The following LRRC9 variants were observed in gnomAD, a reference collection of about 807,000 sequenced individuals.
LRRC9 encodes leucine-rich repeat-containing protein 9.
A neutral mutation model predicts 63.2 loss-of-function variants in LRRC9; 122 were observed. The ratio of observed to expected loss-of-function variants is 1.93; its 90% CI spans 1.67 to 2.24. The LOEUF (loss-of-function observed/expected upper bound fraction) is 2.24, where lower values mean the gene tolerates loss of function less well. Ranked by LOEUF, LRRC9 falls within the 30% of genes most tolerant of loss-of-function variation. LRRC9 has a pLI of 0.00. For missense variants in LRRC9, 1,071 were observed against 627.7 expected (o/e 1.71, Z -7.55); for synonymous variants, 366 against 213.1 (o/e 1.72, Z -6.25).
chr14:59,944,921 C>A (rs185551781), intron 8 of LRRC9, among the ~76,000 whole-genome samples, 177 bp downstream of exon 8: 1 of 151,386 alleles, frequency 6.6e-6, no homozygotes, highest in Non-Finnish European at 1.5e-5. Context: ...GTTAAGCTTG[C>A]CCCCAAAAAA....
chr14:59,973,288 T>C (rs1885734359), intron 12 of LRRC9, among the ~76,000 whole-genome samples: 1 of 152,086 alleles, frequency 6.6e-6, no homozygotes. Flanking sequence ...TTATCATATA[T>C]AGTTTCTATA....
At chr14:60,056,889 G>C (rs186818134) in intron 30 of LRRC9, among the ~76,000 whole-genome samples, 14 of 152,214 alleles carry the variant, frequency 9.2e-5, no homozygotes, top group Admixed American at 2.0e-4. Flanking sequence ...CAGCAAATAA[G>C]GAGGAAATAA....
intron 8 of LRRC9, among the ~76,000 whole-genome samples, chr14:59,959,412 T>A (rs1031646563): frequency 6.6e-6 from 1 of 152,174 alleles, no homozygotes; most frequent in East Asian, 1.9e-4. Flanking sequence ...TACTGAAAAA[T>A]TGAAAAGTAT....
chr14:60,022,134 T>C (rs1891163681), intron 26 of LRRC9, among the ~76,000 whole-genome samples: 1 of 151,820 alleles, frequency 6.6e-6, no homozygotes, highest in African/African-American at 2.4e-5. Context: ...ACATAGAATA[T>C]TTCTCTATTT....
In LRRC9 at chr14:59,988,239, G is replaced by T. The variant is rs1227320122; in HGVS notation, c.2211+3015G>T. Among the ~76,000 whole-genome samples, 3 of 152,254 alleles carry T rather than the reference G, an allele frequency of 2.0e-5. No individual in the cohort carries two copies. The East Asian group carries it at 5.8e-4, about 29-fold the overall frequency. ...CCTTAGTTTCTTTTAGAGAGAAGTGGTCCTTCAGAAACACAATCCAGTTGG... is the reference window on the plus strand; with the variant it reads ...CCTTAGTTTCTTTTAGAGAGAAGTGTTCCTTCAGAAACACAATCCAGTTGG... On this transcript the variant is annotated intron_variant, in intron 17 of 31. Coordinates refer to ENST00000445360, the Ensembl canonical transcript of LRRC9.
chr14:60,057,837 T>C (rs1384941025), intron 30 of LRRC9, 41 bp from the exon 31 acceptor site: 1 of 600,136 alleles, frequency 1.7e-6, no homozygotes, highest in Non-Finnish European at 3.2e-6. Flanking sequence ...ATCTGAGTTT[T>C]GGAGATGAGA....
rs1888025015 is a variant in LRRC9 at position 59,990,950 on chromosome 14, G to A, written c.2211+5726G>A. The stretch of plus-strand genomic sequence containing the variant: ...TTTATCTCTACCAACTTCTTTTGGA[G>A]CCTATAGAGCAACCTTGTCATGTAG... On this transcript the variant is annotated intron_variant, in intron 17 of 31. Coordinates refer to ENST00000445360, the Ensembl canonical transcript of LRRC9. This position sits in a 1 kb window ranked among gnomAD's most constrained non-coding sequence, Gnocchi z 4.2. Among the ~76,000 whole-genome samples the A allele has an allele frequency of 6.6e-6, 1 of 152,174 alleles. No individual in the cohort carries two copies. Among genetic ancestry groups the A allele is most frequent in the Non-Finnish European group, 1.5e-5 (1 of 68,034 alleles).
chr14:59,971,991 A>G (rs932152994), intron 12 of LRRC9, among the ~76,000 whole-genome samples: 6 of 152,140 alleles, frequency 3.9e-5, no homozygotes, highest in African/African-American at 1.4e-4. Flanking sequence ...TTCGCATTAC[A>G]TGTAATGATG....
At chr14:59,992,821 T>C (rs1036497811) in intron 17 of LRRC9, among the ~76,000 whole-genome samples, 3 of 152,100 alleles carry the variant, frequency 2.0e-5, no homozygotes, top group Non-Finnish European at 4.4e-5. Flanking sequence ...AAAGACCAAA[T>C]TACGTCTGAT....
intron 29 of LRRC9, among the ~76,000 whole-genome samples, chr14:60,047,853 C>T (rs1041411179): frequency 6.6e-6 from 1 of 152,080 alleles, no homozygotes; most frequent in African/African-American, 2.4e-5. Context: ...ATTCTCATTG[C>T]CTCATGGCAC....
chr14:60,019,063 T>C lies in LRRC9; in HGVS notation c.3427-58T>C, dbSNP rs570150432. 20 of 613,650 alleles carry C rather than the reference T, an allele frequency of 3.3e-5. No homozygotes were observed. The South Asian group carries it at 3.8e-4, about 12-fold the overall frequency. The allele number at this position is 613,650 out of a possible 1,614,324, so 38.0% of individuals were successfully genotyped here. A position where few individuals can be genotyped will look rare whatever the true frequency, so the allele number is the denominator to read the frequency against. On this transcript the variant is annotated intron_variant, in intron 25 of 31. Coordinates refer to ENST00000445360, the Ensembl canonical transcript of LRRC9. ...ATTATGTGGTATATTCCAAGTTTTA[T>C]CCATACAATTTTTAATAATTTCTAG... is the stretch of plus-strand genomic sequence containing the variant.
intron 18 of LRRC9, 131 bp from the exon 19 acceptor site, chr14:59,998,969 CT>C (rs1242946227): frequency 1.3e-5 from 6 of 448,642 alleles, no homozygotes; most frequent in East Asian, 1.3e-4. Context: ...AATAATTAAG[CT>C]TTTTTTAGGT....
chr14:59,922,284 TAGA>T lies in LRRC9; in HGVS notation c.-34+2404_-34+2406del, dbSNP rs1360381560. 1.3e-5 allele frequency among the ~76,000 whole-genome samples: 2 copies of T among 152,180 alleles called. No homozygotes were observed. The highest frequency in any genetic ancestry group is 2.9e-5 in the Non-Finnish European group (2 of 68,026). On this transcript the variant is annotated intron_variant, in intron 1 of 31. Transcript: ENST00000445360. The surrounding 1 kb of genome is among the most constrained non-coding windows in gnomAD (Gnocchi z 5.3). The stretch of plus-strand genomic sequence containing the variant: ...AAACATGTCCGCTGTCTTTGGCCAT[TAGA>T]AGGTTATTTTTGACCTTGTAGTGGC...
rs573793163 is a variant in LRRC9, at chr14:59,975,165, G to GTA, written c.1639+468_1639+469dup. On this transcript the variant is annotated intron_variant, in intron 13 of 31. Coordinates refer to ENST00000445360, the Ensembl canonical transcript of LRRC9. ...CATATATATATGTATATATATATAT[G>GTA]TATATATATATACACTACACACACG... 6.1e-3 allele frequency among the ~76,000 whole-genome samples: 89 copies of GTA among 14,640 alleles called. 15 individuals carry two copies. Among genetic ancestry groups the GTA allele is most frequent in the African/African-American group, 9.8e-3 (83 of 8,500 alleles). 9.6% of individuals were successfully genotyped at this position (14,640 alleles called of 152,430 possible).
rs1470139739 is a variant in LRRC9 at position 59,981,845 on chromosome 14, T to C, written c.1879-3T>C. 4 of 681,690 alleles carry C rather than the reference T, an allele frequency of 5.9e-6. No homozygotes were observed. Among genetic ancestry groups the C allele is most frequent in the Non-Finnish European group, 1.1e-5 (4 of 379,276 alleles). The allele number at this position is 681,690 out of a possible 1,614,324, so 42.2% of individuals were successfully genotyped here. ...TTTGCAATGTTTTTAATACATTTTT[T>C]AGGTCAAGGCACCCTCTTTATTTTC... On this transcript the variant is annotated splice_region_variant and splice_polypyrimidine_tract_variant and intron_variant, in intron 15 of 31. Transcript: ENST00000445360.
chr14:59,949,060 A>T (rs1469708382), intron 8 of LRRC9, among the ~76,000 whole-genome samples: 1 of 105,374 alleles, frequency 9.5e-6, no homozygotes, highest in Non-Finnish European at 1.9e-5. Context: ...TTTTCTATTG[A>T]TTGGAATAGT....
In LRRC9 at chr14:59,938,905, A is replaced by G; in HGVS notation, c.726+333A>G. Among the ~76,000 whole-genome samples, 1 of 116,906 alleles carries G rather than the reference A, an allele frequency of 8.6e-6. No homozygotes were observed. Among genetic ancestry groups the G allele is most frequent in the Admixed American group, 8.6e-5 (1 of 11,684 alleles). The allele number at this position is 116,906 out of a possible 152,430, so 76.7% of individuals were successfully genotyped here. The stretch of plus-strand genomic sequence containing the variant: ...CACACATATATACACATATATATAC[A>G]TATATACACATATGCATATATATAC... On this transcript the variant is annotated intron_variant, in intron 7 of 31. Coordinates refer to ENST00000445360, the Ensembl canonical transcript of LRRC9. The surrounding 1 kb of genome is among the most constrained non-coding windows in gnomAD (Gnocchi z 4.2).
intron 17 of LRRC9, among the ~76,000 whole-genome samples, chr14:59,995,033 CGTT>C (rs1888608359): frequency 6.6e-6 from 1 of 151,656 alleles, no homozygotes; most frequent in Non-Finnish European, 1.5e-5. Context: ...ATAAATGTAT[CGTT>C]GTTACAGTGT....
chr14:59,927,790 A>G lies in LRRC9; in HGVS notation c.-33-121A>G. The G allele has an allele frequency of 2.1e-6, 1 of 469,762 alleles. No homozygotes were observed. Among genetic ancestry groups the G allele is most frequent in the Non-Finnish European group, 3.7e-6 (1 of 266,994 alleles). The allele number at this position is 469,762 out of a possible 1,614,324, so 29.1% of individuals were successfully genotyped here. ...AGAGTTTATACAGATACTTGGTAATATACTATGTGAAGATTTCAAACTACA... is the reference window on the plus strand; with the variant it reads ...AGAGTTTATACAGATACTTGGTAATGTACTATGTGAAGATTTCAAACTACA... On this transcript the variant is annotated intron_variant, in intron 1 of 31. Coordinates refer to ENST00000445360, the Ensembl canonical transcript of LRRC9. This position sits in a 1 kb window ranked among gnomAD's most constrained non-coding sequence, Gnocchi z 4.4.
Sources: allele counts gnomAD v4.1 joint callset (sites outside exome capture counted in the v4.1 genomes callset), GRCh38; gene constraint gnomAD v4.1.1; non-coding constraint Gnocchi (gnomAD v3.1); transcripts MANE v1.5; gene names NCBI Gene and HGNC (gene_info 2026-07-23, HGNC 2026-07-21).